Variants in SV2C observed in about 807,000 individuals in gnomAD.
The protein encoded by SV2C is synaptic vesicle glycoprotein 2C.
SV2C carries 49 observed loss-of-function variants against 79.7 expected under a neutral mutation model. That is an observed-to-expected ratio of 0.61 (90% CI 0.49 to 0.78). The LOEUF (loss-of-function observed/expected upper bound fraction) is 0.78. Among genes scored for constraint, SV2C ranks in the 30% least tolerant of loss-of-function variants. The pLI is 0.00. For synonymous variants in SV2C, 334 were observed against 333.2 expected (o/e 1.00, Z -0.03); for missense variants, 833 against 912.9 (o/e 0.91, Z 1.13).
At chr5:76,095,482 A>T (rs1242782490) in intron 1 of SV2C, among the ~76,000 whole-genome samples, 1 of 152,048 alleles carries the variant, frequency 6.6e-6, no homozygotes, top group Non-Finnish European at 1.5e-5. Flanking sequence ...ATTTATCATC[A>T]TTAGTTTGTT....
chr5:76,309,303 T>G (rs1487104876), intron 12 of SV2C, among the ~76,000 whole-genome samples: 1 of 151,840 alleles, frequency 6.6e-6, no homozygotes, highest in Admixed American at 6.6e-5. Flanking sequence ...TTAAGACACT[T>G]AAGTTGTAGG....
At chr5:75,913,091 C>T in the SV2C span, among the ~76,000 whole-genome samples, 1 of 152,078 alleles carries the variant, frequency 6.6e-6, no homozygotes, top group South Asian at 2.1e-4. Flanking sequence ...CAGGAATAGG[C>T]CAGTGAGGGA....
chr5:76,054,136 C>T, the SV2C span, among the ~76,000 whole-genome samples: 4 of 152,042 alleles, frequency 2.6e-5, no homozygotes, highest in Non-Finnish European at 5.9e-5. Context: ...CAAATGCTCT[C>T]CCTCCCTTTA....
intron 1 of SV2C, among the ~76,000 whole-genome samples, chr5:76,121,818 G>A (rs532848770): frequency 1.5e-4 from 23 of 151,268 alleles, no homozygotes; most frequent in African/African-American, 4.9e-4. Flanking sequence ...CTCCAGCTTT[G>A]TTCTTTTGGC....
At chr5:76,220,759 G>A (rs764537913) in intron 4 of SV2C, among the ~76,000 whole-genome samples, 9 of 152,126 alleles carry the variant, frequency 5.9e-5, no homozygotes, top group Admixed American at 4.6e-4. Flanking sequence ...GTAGCTCAGC[G>A]GTCATCATCA....
chr5:75,912,123 A>G, the SV2C span, among the ~76,000 whole-genome samples: 1 of 152,242 alleles, frequency 6.6e-6, no homozygotes, highest in African/African-American at 2.4e-5. Flanking sequence ...CATTATTAGA[A>G]TAAGACTTTA....
At chr5:75,906,825 C>T in the SV2C span, among the ~76,000 whole-genome samples, 1 of 152,074 alleles carries the variant, frequency 6.6e-6, no homozygotes, top group African/African-American at 2.4e-5. Context: ...ATTTTGCACC[C>T]CACCCCCATG....
chr5:76,210,802 A>G (rs929864126), intron 4 of SV2C, among the ~76,000 whole-genome samples: 1 of 152,340 alleles, frequency 6.6e-6, no homozygotes, highest in African/African-American at 2.4e-5. Flanking sequence ...AGAATAAAAG[A>G]TGCTCCTATT....
At chr5:76,136,839 T>C (rs1257623166) in intron 2 of SV2C, among the ~76,000 whole-genome samples, 2 of 152,214 alleles carry the variant, frequency 1.3e-5, no homozygotes, top group Non-Finnish European at 2.9e-5. Context: ...TGGTAGGCAA[T>C]TATGTGAACT....
chr5:76,073,500 T>G, the SV2C span, among the ~76,000 whole-genome samples: 2 of 100,046 alleles, frequency 2.0e-5, no homozygotes, highest in East Asian at 5.3e-4. Context: ...TATGTATGTG[T>G]GTGTATATAT....
Position 76,325,640 on chromosome 5 carries a change from A to G in SV2C, c.*93A>G. The G allele has an allele frequency of 6.6e-7, 1 of 1,514,130 alleles. No homozygotes were observed. The highest frequency in any genetic ancestry group is 2.3e-5 in the East Asian group (1 of 44,092). 93.8% of individuals were successfully genotyped at this position (1,514,130 alleles called of 1,614,324 possible). ...AGGCTTCAGAGTTTTCCTATATAGA[A>G]AGGTGATCAAGTATCAGAACATAAA... is the stretch of plus-strand genomic sequence containing the variant. On this transcript the variant is annotated 3_prime_UTR_variant, in exon 13 of 13. Transcript: ENST00000502798.
At chr5:75,942,102 T>C in the SV2C span, among the ~76,000 whole-genome samples, 1 of 152,278 alleles carries the variant, frequency 6.6e-6, no homozygotes, top group South Asian at 2.1e-4. Context: ...GATGAACACA[T>C]GGAGGTTTGC....
At chr5:76,076,952 C>A in the SV2C span, among the ~76,000 whole-genome samples, 1 of 152,064 alleles carries the variant, frequency 6.6e-6, no homozygotes, top group Non-Finnish European at 1.5e-5. Flanking sequence ...ATCCCCCTCA[C>A]GTTAAAAAGG....
intron 3 of SV2C, among the ~76,000 whole-genome samples, chr5:76,206,790 G>A (rs1010202115): frequency 2.0e-5 from 3 of 152,156 alleles, no homozygotes; most frequent in Admixed American, 1.3e-4. Flanking sequence ...TCTGTTTAAA[G>A]GACATCACAG....
At position 76,340,029 on chromosome 5, in the gene SV2C, G is replaced by A. The variant is rs147788348; in HGVS notation, c.2001-13101G>A. ...TAGCTGGCCAAAACCCACCAAAACC[G>A]AGATGGTGAGGAAAGTGACCTCTGA... On this transcript the variant is annotated intron_variant, in intron 12 of 12. Coordinates refer to the SV2C transcript ENST00000322285. 1.3e-4 allele frequency among the ~76,000 whole-genome samples: 20 copies of A among 152,308 alleles called. No homozygotes were observed. The South Asian group carries it at 3.5e-3, about 27-fold the overall frequency.
At chr5:75,975,155 G>A in the SV2C span, among the ~76,000 whole-genome samples, 4 of 152,152 alleles carry the variant, frequency 2.6e-5, no homozygotes, top group African/African-American at 9.7e-5. Flanking sequence ...AAAAACCATA[G>A]CACTTCTGTG....
At chr5:76,350,774 G>A (rs1002937213) in intron 12 of SV2C, among the ~76,000 whole-genome samples, 2 of 152,204 alleles carry the variant, frequency 1.3e-5, no homozygotes, top group Non-Finnish European at 2.9e-5. Flanking sequence ...CCAGCACTTT[G>A]GGAGGCCGAG....
chr5:75,903,969 A>G, the SV2C span, among the ~76,000 whole-genome samples: 1 of 152,358 alleles, frequency 6.6e-6, no homozygotes, highest in East Asian at 1.9e-4. Context: ...GAAAAAAATA[A>G]AAGTAATGAA....
the SV2C span, among the ~76,000 whole-genome samples, chr5:76,024,596 T>C: frequency 2.0e-5 from 3 of 152,290 alleles, no homozygotes; most frequent in African/African-American, 7.2e-5. Context: ...ATCATTTATG[T>C]TTTGGATTTT....
Sources: allele counts gnomAD v4.1 joint callset (sites outside exome capture counted in the v4.1 genomes callset), GRCh38; gene constraint gnomAD v4.1.1; transcripts MANE v1.5; gene names NCBI Gene and HGNC (gene_info 2026-07-23, HGNC 2026-07-21).